The following DNAJC27 variants were observed in gnomAD, a reference collection of about 807,000 sequenced individuals.
DNAJC27 encodes dnaJ homolog subfamily C member 27.
DNAJC27 carries 25 observed loss-of-function variants against 31.4 expected under a neutral mutation model. The ratio of observed to expected loss-of-function variants is 0.80; its 90% CI spans 0.58 to 1.11. The LOEUF (loss-of-function observed/expected upper bound fraction) is 1.11, where lower values mean the gene tolerates loss of function less well. DNAJC27 is among the 50% of genes most tolerant of loss of function. DNAJC27 has a pLI of 0.00. For missense variants in DNAJC27, 356 were observed against 347.3 expected (o/e 1.02, Z -0.20); for synonymous variants, 106 against 112.7 (o/e 0.94, Z 0.37).
At chr2:24,948,415 A>T (rs1341465566) in intron 6 of DNAJC27, among the ~76,000 whole-genome samples, 4 of 152,168 alleles carry the variant, frequency 2.6e-5, no homozygotes, top group African/African-American at 9.7e-5. Flanking sequence ...ATCCAGGAGG[A>T]GAAGATGAAA....
rs749087176 is a variant in DNAJC27, at chr2:24,951,509, G to A, written c.574C>T (p.Arg192Cys). 8.1e-6 allele frequency: 13 copies of A among 1,612,576 alleles called. No homozygotes were observed. Among genetic ancestry groups the A allele is most frequent in the South Asian group, 3.3e-5 (3 of 90,792 alleles). Residue 192 changes from arginine to cysteine, a missense_variant, in exon 6 of 7, where the codon CGC becomes TGC. Transcript: ENST00000264711. The part of the protein sequence containing the change: ...IVDLCENGGK[R>C]PTTNSSASFT... ...CTAGCACTGCTATTGGTGGTAGGGC[G>A]TTTCCCGCCATTTTCACATAAATCA...
rs1480654547 is a variant in DNAJC27 at position 24,947,549 on chromosome 2, G to C, written c.*67C>G. On this transcript the variant is annotated 3_prime_UTR_variant, in exon 7 of 7. Coordinates refer to ENST00000264711, the MANE Select transcript of DNAJC27 (RefSeq NM_016544.3). ...ATTCTGGGAAGGAAAACTCCACGTTGGTTATTTCACCTCTAGGGAAAGTCT... is the reference window on the plus strand; with the variant it reads ...ATTCTGGGAAGGAAAACTCCACGTTCGTTATTTCACCTCTAGGGAAAGTCT... The C allele has an allele frequency of 6.5e-7, 1 of 1,527,064 alleles. No homozygotes were observed. Among genetic ancestry groups the C allele is most frequent in the South Asian group, 1.2e-5 (1 of 80,610 alleles). 94.6% of individuals were successfully genotyped at this position (1,527,064 alleles called of 1,614,324 possible).
chr2:24,957,805 G>T lies in DNAJC27; in HGVS notation c.405+5C>A, dbSNP rs1471373031. 6.2e-7 allele frequency: 1 copy of T among 1,613,420 alleles called. No individual in the cohort carries two copies. The highest frequency in any genetic ancestry group is 8.5e-7 in the Non-Finnish European group (1 of 1,179,574). The stretch of plus-strand genomic sequence containing the variant: ...ATCTGAACACACCATTTCCAGAGGG[G>T]TTACCTTGTTGGCACAAACTACAAA... On this transcript the variant is annotated splice_donor_5th_base_variant and intron_variant, in intron 4 of 6. Coordinates refer to ENST00000264711, the MANE Select transcript of DNAJC27 (RefSeq NM_016544.3).
At chr2:24,958,529 G>A (rs1467185091) in intron 3 of DNAJC27, 1 of 389,988 alleles carries the variant, frequency 2.6e-6, no homozygotes, top group South Asian at 2.1e-5. Context: ...AGACAGATCT[G>A]GGTTCACACT....
chr2:24,958,848 G>A (rs1040991430), intron 3 of DNAJC27, among the ~76,000 whole-genome samples: 1 of 152,066 alleles, frequency 6.6e-6, no homozygotes, highest in East Asian at 1.9e-4. Context: ...GGGGTTTCCG[G>A]GACAAAGTTC....
intron 3 of DNAJC27, among the ~76,000 whole-genome samples, chr2:24,961,451 T>C (rs1666038176): frequency 6.6e-6 from 1 of 152,152 alleles, no homozygotes; most frequent in African/African-American, 2.4e-5. Flanking sequence ...AATTTTGACT[T>C]TGAAGTCTTA....
intron 6 of DNAJC27, among the ~76,000 whole-genome samples, chr2:24,950,466 ATAATT>A (rs551451433): frequency 3.5e-4 from 54 of 152,316 alleles, no homozygotes; most frequent in African/African-American, 1.2e-3. Flanking sequence ...ATAATGAATA[ATAATT>A]TAATTTTTGT....
intron 1 of DNAJC27, 61 bp from the exon 2 acceptor site, chr2:24,967,354 G>T: frequency 8.5e-7 from 1 of 1,179,898 alleles, no homozygotes; most frequent in Non-Finnish European, 1.2e-6. Context: ...TACAGAATAA[G>T]TATATTTCTT....
chr2:24,969,378 C>T, intron 1 of DNAJC27: 1 of 166,810 alleles, frequency 6.0e-6, no homozygotes, highest in Non-Finnish European at 1.3e-5. Context: ...CATGGGAATG[C>T]ATGCAAAGCT....
intron 2 of DNAJC27, among the ~76,000 whole-genome samples, chr2:24,964,887 G>T (rs1666141390): frequency 6.6e-6 from 1 of 152,138 alleles, no homozygotes; most frequent in South Asian, 2.1e-4. Flanking sequence ...TTTGAAGCAG[G>T]AAAGAGGAAA....
chr2:24,963,491 G>C lies in DNAJC27; in HGVS notation c.171-17C>G, dbSNP rs1273063086. ...ACGTGTACCCTGAAATGTTCAAATG[G>C]AAACAATCCGAAAGAAAGTCATGGT... On this transcript the variant is annotated splice_polypyrimidine_tract_variant and intron_variant, in intron 2 of 6. Coordinates refer to ENST00000264711, the MANE Select transcript of DNAJC27 (RefSeq NM_016544.3). The C allele has an allele frequency of 1.3e-6, 2 of 1,596,958 alleles. No homozygotes were observed. Among genetic ancestry groups the C allele is most frequent in the African/African-American group, 2.7e-5 (2 of 74,476 alleles).
intron 2 of DNAJC27, among the ~76,000 whole-genome samples, chr2:24,966,064 G>A (rs1666172975): frequency 6.6e-6 from 1 of 152,098 alleles, no homozygotes. Context: ...GACAACTTTA[G>A]GATTTCTGTC....
chr2:24,947,812 G>A (rs2149119503), intron 6 of DNAJC27, 64 bp from the exon 7 acceptor site: 1 of 1,550,078 alleles, frequency 6.5e-7, no homozygotes, highest in Non-Finnish European at 8.8e-7. Context: ...CATGTTAGCT[G>A]TTTGGACACA....
At chr2:24,948,352 A>AG (rs1665692987) in intron 6 of DNAJC27, among the ~76,000 whole-genome samples, 1 of 152,156 alleles carries the variant, frequency 6.6e-6, no homozygotes, top group African/African-American at 2.4e-5. Flanking sequence ...GAAGGAAACA[A>AG]GGGAAGATAA....
intron 1 of DNAJC27, among the ~76,000 whole-genome samples, chr2:24,967,554 G>A (rs907234261): frequency 1.3e-5 from 2 of 152,084 alleles, no homozygotes; most frequent in Non-Finnish European, 2.9e-5. Context: ...ACAAAAATCA[G>A]CCGGGCATGG....
At chr2:24,961,792 A>C (rs958214760) in intron 3 of DNAJC27, among the ~76,000 whole-genome samples, 5 of 152,212 alleles carry the variant, frequency 3.3e-5, no homozygotes, top group Non-Finnish European at 5.9e-5. Flanking sequence ...GAGTTGCTTC[A>C]TATCAATGAG....
intron 6 of DNAJC27, among the ~76,000 whole-genome samples, chr2:24,949,205 C>T (rs920923528): frequency 3.3e-5 from 5 of 152,138 alleles, no homozygotes; most frequent in Non-Finnish European, 5.9e-5. Context: ...TCTGATAATT[C>T]GCTAACAAGA....
rs574626700 is a variant in DNAJC27 at position 24,945,943 on chromosome 2, G to A, written c.*1673C>T. ...AGATGCTCTTTGGCAATCGATATGG[G>A]ATAGCTTTTTAAAATTCACAGGACA... On this transcript the variant is annotated 3_prime_UTR_variant, in exon 7 of 7. Coordinates refer to ENST00000264711, the MANE Select transcript of DNAJC27 (RefSeq NM_016544.3). The A allele has an allele frequency of 6.6e-6, 1 of 152,124 alleles. No individual in the cohort carries two copies. The highest frequency in any genetic ancestry group is 2.4e-5 in the African/African-American group (1 of 41,422). 9.4% of individuals were successfully genotyped at this position (152,124 alleles called of 1,614,324 possible).
intron 3 of DNAJC27, among the ~76,000 whole-genome samples, chr2:24,959,272 T>A (rs1351699690): frequency 2.0e-5 from 3 of 152,162 alleles, no homozygotes; most frequent in Non-Finnish European, 4.4e-5. Flanking sequence ...TTGCTCCCAC[T>A]CCAGCTTACC....
Sources: gnomAD v4.1 joint callset for allele counts (sites outside exome capture counted in the v4.1 genomes callset) on GRCh38, gnomAD v4.1.1 for gene constraint, MANE v1.5 for transcripts, NCBI Gene and HGNC (gene_info 2026-07-23, HGNC 2026-07-21) for gene names.